LINGO2: variants seen among roughly 807,000 people sequenced by gnomAD.
LINGO2 encodes leucine rich repeat and Ig domain containing 2.
Under a neutral mutation model 30.6 loss-of-function variants are expected in LINGO2, and 14 were observed. The ratio of observed to expected loss-of-function variants is 0.46; its 90% CI spans 0.30 to 0.72. The LOEUF (loss-of-function observed/expected upper bound fraction) is 0.72. Among genes scored for constraint, LINGO2 ranks in the 30% least tolerant of loss-of-function variants. The pLI is 0.07. For missense variants in LINGO2, 729 were observed against 751.7 expected (o/e 0.97, Z 0.35); for synonymous variants, 317 against 288.5 (o/e 1.10, Z -1.00).
chr9:29,120,437 G>T, the LINGO2 span, among the ~76,000 whole-genome samples: 1 of 152,100 alleles, frequency 6.6e-6, no homozygotes, highest in Non-Finnish European at 1.5e-5. Context: ...CAGTTAAATT[G>T]TGTAATCATT....
At chr9:29,067,300 C>A in the LINGO2 span, among the ~76,000 whole-genome samples, 1 of 151,588 alleles carries the variant, frequency 6.6e-6, no homozygotes, top group Non-Finnish European at 1.5e-5. Flanking sequence ...AAGCTGAAAC[C>A]GTAGTGATAC....
chr9:28,568,358 A>C (rs2135581166), intron 1 of LINGO2, among the ~76,000 whole-genome samples: 1 of 152,142 alleles, frequency 6.6e-6, no homozygotes, highest in South Asian at 2.1e-4. Flanking sequence ...GAGGATGAGA[A>C]AAAACAACTA....
intron 1 of LINGO2, among the ~76,000 whole-genome samples, chr9:28,646,611 A>G (rs936731673): frequency 3.3e-5 from 5 of 152,078 alleles, no homozygotes; most frequent in Non-Finnish European, 7.4e-5. Flanking sequence ...GATCTGGGGA[A>G]ACACTCTTTT....
At chr9:28,391,429 C>G (rs1821824354) in intron 2 of LINGO2, among the ~76,000 whole-genome samples, 1 of 152,142 alleles carries the variant, frequency 6.6e-6, no homozygotes, top group South Asian at 2.1e-4. Context: ...TCATCAGATT[C>G]AAAACTTCAG....
At chr9:28,767,996 T>C in the LINGO2 span, among the ~76,000 whole-genome samples, 1 of 152,114 alleles carries the variant, frequency 6.6e-6, no homozygotes, top group Non-Finnish European at 1.5e-5. Context: ...TTATCAGCCA[T>C]TGATGCTCAT....
intron 4 of LINGO2, among the ~76,000 whole-genome samples, chr9:28,180,654 A>C (rs1828886030): frequency 6.6e-6 from 1 of 152,320 alleles, no homozygotes; most frequent in East Asian, 1.9e-4. Context: ...AAAACAATAT[A>C]GTTCAAAAGA....
intron 1 of LINGO2, among the ~76,000 whole-genome samples, chr9:28,522,065 G>A (rs1234606921): frequency 1.3e-5 from 2 of 152,180 alleles, no homozygotes. Flanking sequence ...AAGTTGCCCA[G>A]TTCATGGTAA....
chr9:28,107,486 G>C (rs1563979104), intron 4 of LINGO2, among the ~76,000 whole-genome samples: 1 of 152,004 alleles, frequency 6.6e-6, no homozygotes, highest in Non-Finnish European at 1.5e-5. Context: ...GACACTCTAA[G>C]GTTTCTTCTA....
At chr9:28,531,874 A>G (rs1208185466) in intron 1 of LINGO2, among the ~76,000 whole-genome samples, 1 of 152,162 alleles carries the variant, frequency 6.6e-6, no homozygotes, top group East Asian at 1.9e-4. Flanking sequence ...AAACTTTCAG[A>G]TGCACTGAAT....
chr9:28,636,872 T>G (rs935430079), intron 1 of LINGO2, among the ~76,000 whole-genome samples: 2 of 152,170 alleles, frequency 1.3e-5, no homozygotes, highest in African/African-American at 4.8e-5. Flanking sequence ...CTGCTTTTGG[T>G]GTTTTAGACA....
At chr9:28,246,672 C>T (rs1320651508) in intron 4 of LINGO2, among the ~76,000 whole-genome samples, 1 of 152,036 alleles carries the variant, frequency 6.6e-6, no homozygotes, top group East Asian at 1.9e-4. Context: ...CTAGGCAATA[C>T]CATTCAGGAC....
intron 4 of LINGO2, among the ~76,000 whole-genome samples, chr9:28,293,204 C>T (rs1352668329): frequency 6.6e-6 from 1 of 151,888 alleles, no homozygotes; most frequent in Non-Finnish European, 1.5e-5. Context: ...CTCAAGCAGT[C>T]CTCCCACCTC....
intron 4 of LINGO2, among the ~76,000 whole-genome samples, chr9:28,250,449 A>G (rs1822156179): frequency 6.6e-6 from 1 of 152,174 alleles, no homozygotes; most frequent in Non-Finnish European, 1.5e-5. Context: ...AGAAGCAGGC[A>G]ATACAGGACA....
chr9:28,771,288 A>G, the LINGO2 span, among the ~76,000 whole-genome samples: 1 of 151,964 alleles, frequency 6.6e-6, no homozygotes, highest in East Asian at 1.9e-4. Flanking sequence ...TTTGGTGGAA[A>G]TAACTTCAAT....
chr9:28,896,200 A>G, the LINGO2 span, among the ~76,000 whole-genome samples: 6,974 of 152,260 alleles, frequency 0.046, 241 homozygotes, highest in Admixed American at 0.06. Context: ...GATTTGAACC[A>G]TAAGACAATG....
At chr9:28,552,951 T>C (rs928872104) in intron 1 of LINGO2, among the ~76,000 whole-genome samples, 2 of 152,030 alleles carry the variant, frequency 1.3e-5, no homozygotes, top group Admixed American at 6.6e-5. Context: ...TTTGAGGATA[T>C]TAATCCCAGA....
the LINGO2 span, among the ~76,000 whole-genome samples, chr9:28,692,997 C>T: frequency 3.3e-5 from 5 of 151,736 alleles, no homozygotes; most frequent in Admixed American, 6.6e-5. Flanking sequence ...TTTTTGATGA[C>T]GAGAATTCCT....
At chr9:28,422,896 C>T (rs1194156536) in intron 2 of LINGO2, among the ~76,000 whole-genome samples, 1 of 152,012 alleles carries the variant, frequency 6.6e-6, no homozygotes, top group Non-Finnish European at 1.5e-5. Context: ...ACTTTGAAGA[C>T]ATCATGCTGA....
intron 3 of LINGO2, among the ~76,000 whole-genome samples, chr9:28,367,885 T>A (rs983645288): frequency 6.6e-6 from 1 of 152,188 alleles, no homozygotes; most frequent in South Asian, 2.1e-4. Flanking sequence ...TTCTGGTTTA[T>A]TGAACTTTTT....
Sources: allele counts gnomAD v4.1 joint callset (sites outside exome capture counted in the v4.1 genomes callset), GRCh38; gene constraint gnomAD v4.1.1; transcripts MANE v1.5; gene names NCBI Gene and HGNC (gene_info 2026-07-23, HGNC 2026-07-21).